The following SGMS1 variants were observed in gnomAD, a reference collection of about 807,000 sequenced individuals.
SGMS1 encodes the protein phosphatidylcholine:ceramide cholinephosphotransferase 1.
In SGMS1, 13 loss-of-function variants were observed where a neutral mutation model predicts 46.2. That is an observed-to-expected ratio of 0.28 (90% CI 0.18 to 0.45). The LOEUF is 0.45. Among genes scored for constraint, SGMS1 ranks in the 20% least tolerant of loss-of-function variants. The probability of loss-of-function intolerance (pLI) is 1.00; values close to 1 mark genes in which losing one functional copy is unlikely to be tolerated. For missense variants in SGMS1, 324 were observed against 519.9 expected (o/e 0.62, Z 3.66); for synonymous variants, 203 against 187.8 (o/e 1.08, Z -0.66).
At chr10:50,347,454 C>T (rs1847933347) in intron 6 of SGMS1, among the ~76,000 whole-genome samples, 1 of 152,196 alleles carries the variant, frequency 6.6e-6, no homozygotes, top group Non-Finnish European at 1.5e-5. Flanking sequence ...TCAATTGCCA[C>T]CAGTACTGCC....
chr10:50,611,326 G>C (rs1838747285), intron 1 of SGMS1, among the ~76,000 whole-genome samples: 1 of 152,118 alleles, frequency 6.6e-6, no homozygotes, highest in Non-Finnish European at 1.5e-5. Flanking sequence ...ACACGCCAAG[G>C]GTCTTCACAC....
intron 7 of SGMS1, among the ~76,000 whole-genome samples, chr10:50,331,970 G>A (rs1847630486): frequency 6.6e-6 from 1 of 152,114 alleles, no homozygotes; most frequent in Non-Finnish European, 1.5e-5. Flanking sequence ...ACGATATTTT[G>A]TTATTGCAGC....
rs529275151 is a variant in SGMS1, at chr10:50,413,102, G to GA, written c.-232+20373dup. Among the ~76,000 whole-genome samples, 653 of 150,906 alleles carry GA rather than the reference G, an allele frequency of 4.3e-3. 4 individuals are homozygous for GA. Among genetic ancestry groups the GA allele is most frequent in the Non-Finnish European group, 7.1e-3 (478 of 67,668 alleles). On this transcript the variant is annotated intron_variant, in intron 6 of 10. Transcript: ENST00000361781. ...CTATTAACCTGGAAAATGTAAATTT[G>GA]AAAAAAAAAGTTATCTCTTGTGACT...
chr10:50,488,830 A>G (rs1230799559), intron 3 of SGMS1, among the ~76,000 whole-genome samples: 2 of 152,094 alleles, frequency 1.3e-5, no homozygotes, highest in Admixed American at 1.3e-4. Flanking sequence ...GGTTTTTCCA[A>G]CACCTGCCAA....
chr10:50,456,310 A>C (rs1837190425), intron 5 of SGMS1, among the ~76,000 whole-genome samples: 1 of 149,974 alleles, frequency 6.7e-6, no homozygotes, highest in East Asian at 1.9e-4. Flanking sequence ...AATTATTGAT[A>C]ATAAGGAGGC....
chr10:50,320,579 G>C (rs1166406783), intron 8 of SGMS1, among the ~76,000 whole-genome samples: 2 of 152,124 alleles, frequency 1.3e-5, no homozygotes, highest in Admixed American at 6.5e-5. Context: ...ATTGCCTATA[G>C]ATAGAACCAC....
At position 50,327,264 on chromosome 10, in the gene SGMS1, T is replaced by C. The variant is rs779016712; in HGVS notation, c.682A>G (p.Ile228Val). The C allele has an allele frequency of 1.2e-6, 2 of 1,611,126 alleles. No individual in the cohort carries two copies. Among genetic ancestry groups the C allele is most frequent in the South Asian group, 2.2e-5 (2 of 89,902 alleles). Residue 228 changes from isoleucine (I) to valine (V), a missense_variant, in exon 8 of 11, where the codon ATT becomes GTT. Around this residue, in one of 2 missense-constraint regions of SGMS1, gnomAD observed 174 missense variants for 350.1 expected, o/e 0.50. Transcript: ENST00000361781. ...IVGTLYLYRC[I>V]TMYVTTLPVP... ...GGGAGTGTAGTTACATACATTGTAA[T>C]ACACCGATACAGGTACAGCGTGCCA...
At chr10:50,569,299 T>TA (rs72066798) in intron 2 of SGMS1, among the ~76,000 whole-genome samples, 53,259 of 130,280 alleles carry the variant, frequency 0.41, 11,247 homozygotes, top group African/African-American at 0.5. Context: ...CTTAAAGTAT[T>TA]AAAAAAAAAA....
rs1432302972 is a variant in SGMS1, at chr10:50,305,962, C to A, written c.*1180G>T. The A allele has an allele frequency of 6.6e-6, 1 of 152,592 alleles. No individual in the cohort carries two copies. Among genetic ancestry groups the A allele is most frequent in the Non-Finnish European group, 1.5e-5 (1 of 67,990 alleles). The allele number at this position is 152,592 out of a possible 1,614,324, so 9.5% of individuals were successfully genotyped here. A position where few individuals can be genotyped will look rare whatever the true frequency, so the allele number is the denominator to read the frequency against. ...AACTTAGAGTTACATGCAGTTTCTGCACAAATATCTTTTAAAGAAATAGAT... is the reference window on the plus strand; with the variant it reads ...AACTTAGAGTTACATGCAGTTTCTGAACAAATATCTTTTAAAGAAATAGAT... On this transcript the variant is annotated 3_prime_UTR_variant, in exon 11 of 11. Coordinates refer to ENST00000361781, the MANE Select transcript of SGMS1 (RefSeq NM_147156.4).
At chr10:50,615,720 A>G (rs901808677) in intron 1 of SGMS1, among the ~76,000 whole-genome samples, 1 of 152,212 alleles carries the variant, frequency 6.6e-6, no homozygotes, top group Non-Finnish European at 1.5e-5. Flanking sequence ...AAGGCTCCCA[A>G]CAGAAATGAT....
chr10:50,483,955 T>C (rs1267163882), intron 3 of SGMS1, among the ~76,000 whole-genome samples: 4 of 152,082 alleles, frequency 2.6e-5, no homozygotes, highest in Non-Finnish European at 5.9e-5. Context: ...AGATCCCAAA[T>C]TGACATGCTA....
At position 50,307,735 on chromosome 10, in the gene SGMS1, T is replaced by C. The variant is rs983305749; in HGVS notation, c.1062+247A>G. ...ACACAAGCTTAGAAAATATTTTTCA[T>C]TTTTCAAGGACAATGAAAGTGCGTT... On this transcript the variant is annotated intron_variant, in intron 10 of 10. Transcript: ENST00000361781. This position sits in a 1 kb window ranked among gnomAD's most constrained non-coding sequence, Gnocchi z 4.2. Among the ~76,000 whole-genome samples the C allele has an allele frequency of 2.8e-4, 43 of 152,212 alleles. No individual in the cohort carries two copies. Among genetic ancestry groups the C allele is most frequent in the African/African-American group, 1.0e-3 (42 of 41,450 alleles).
At chr10:50,607,192 A>T (rs4517466) in intron 1 of SGMS1, among the ~76,000 whole-genome samples, 35,639 of 150,048 alleles carry the variant, frequency 0.24, 4,817 homozygotes, top group Middle Eastern at 0.33. Flanking sequence ...TATCTTGTCA[A>T]GGCTGGTCTC....
chr10:50,620,750 G>C (rs1838842028), intron 1 of SGMS1, among the ~76,000 whole-genome samples: 1 of 152,196 alleles, frequency 6.6e-6, no homozygotes, highest in Non-Finnish European at 1.5e-5. Flanking sequence ...AAACAATCCA[G>C]AATTTTTATT....
chr10:50,488,569 T>C (rs891351956), intron 3 of SGMS1, among the ~76,000 whole-genome samples: 2 of 152,178 alleles, frequency 1.3e-5, no homozygotes, highest in Non-Finnish European at 2.9e-5. Context: ...TCAGTATAGG[T>C]GTCTACAAAA....
chr10:50,371,094 G>T (rs1848429068), intron 6 of SGMS1, among the ~76,000 whole-genome samples: 1 of 152,148 alleles, frequency 6.6e-6, no homozygotes. Flanking sequence ...TATACGGATG[G>T]CAGTGCAGTA....
intron 6 of SGMS1, among the ~76,000 whole-genome samples, chr10:50,420,004 G>C (rs1849234258): frequency 6.6e-6 from 1 of 152,210 alleles, no homozygotes; most frequent in African/African-American, 2.4e-5. Flanking sequence ...CTGCCAGTAA[G>C]TGACAGGGTG....
At chr10:50,326,867 T>G (rs1033289258) in intron 8 of SGMS1, among the ~76,000 whole-genome samples, 1 of 152,120 alleles carries the variant, frequency 6.6e-6, no homozygotes, top group Admixed American at 6.5e-5. Flanking sequence ...AAATGTCACT[T>G]GAAATCGAGC....
intron 2 of SGMS1, among the ~76,000 whole-genome samples, chr10:50,565,071 G>C (rs1389115397): frequency 1.3e-5 from 2 of 152,016 alleles, no homozygotes; most frequent in African/African-American, 4.8e-5. Context: ...TTCCTCAATG[G>C]ACTTCAAACT....
Sources: allele counts gnomAD v4.1 joint callset (sites outside exome capture counted in the v4.1 genomes callset), GRCh38; gene constraint gnomAD v4.1.1; regional missense constraint gnomAD v4.1.1; non-coding constraint Gnocchi (gnomAD v3.1); transcripts MANE v1.5; gene names NCBI Gene and HGNC (gene_info 2026-07-23, HGNC 2026-07-21).